C5: variants seen among roughly 807,000 people sequenced by gnomAD.
C5 encodes the protein complement C5.
C5 carries 140 observed loss-of-function variants against 218.8 expected under a neutral mutation model. The ratio of observed to expected loss-of-function variants is 0.64; its 90% CI spans 0.56 to 0.74. The LOEUF is 0.74. C5 is among the 30% of genes least tolerant of loss of function. The pLI, the probability that C5 is intolerant of heterozygous loss-of-function variation, is 0.00. For missense variants in C5, 1,700 were observed against 1,969.6 expected (o/e 0.86, Z 2.59); for synonymous variants, 614 against 682.3 (o/e 0.90, Z 1.56).
chr9:120,952,614 TA>T lies in C5; in HGVS notation c.*124del. On this transcript the variant is annotated 3_prime_UTR_variant, in exon 41 of 41. Transcript: ENST00000223642. ...TAATAAAAGCAAGTGCCACTAATTC[TA>T]AGTAAAGTGAGCTTTACAAATAAGA... The T allele has an allele frequency of 1.1e-6, 1 of 942,394 alleles. No individual in the cohort carries two copies. Among genetic ancestry groups the T allele is most frequent in the Non-Finnish European group, 1.6e-6 (1 of 616,746 alleles). 58.4% of individuals were successfully genotyped at this position (942,394 alleles called of 1,614,324 possible). A position where few individuals can be genotyped will look rare whatever the true frequency, so the allele number is the denominator to read the frequency against.
At chr9:121,044,900 C>T (rs1446205319) in intron 2 of C5, among the ~76,000 whole-genome samples, 3 of 149,776 alleles carry the variant, frequency 2.0e-5, no homozygotes, top group Non-Finnish European at 4.4e-5. Flanking sequence ...CTAAGAGCCA[C>T]AAATACATTG....
chr9:121,074,644 C>T, the C5 span: 1 of 370,326 alleles, frequency 2.7e-6, no homozygotes, highest in Non-Finnish European at 5.4e-6. Context: ...GAAGCGTGTC[C>T]GTGTTTCAGA....
In C5 at chr9:120,962,766, C is replaced by T; in HGVS notation, c.4409G>A (p.Ser1470Asn). Residue 1470 changes from serine to asparagine, a missense_variant, in exon 36 of 41, where the codon AGT becomes AAT. By Grantham distance (46) the Ser-to-Asn change is conservative. Coordinates refer to ENST00000223642, the MANE Select transcript of C5 (RefSeq NM_001735.3). ...CCGGAATCGTACACAAAGGAAATCACTGGAGGGAATCTGTTTAACAAATTC... is the reference window on the plus strand; with the variant it reads ...CCGGAATCGTACACAAAGGAAATCATTGGAGGGAATCTGTTTAACAAATTC... ...VILQLNSIPSSDFLCVRFRIF... is the reference protein window; with the variant it reads ...VILQLNSIPSNDFLCVRFRIF... 1 of 1,613,660 alleles carries T rather than the reference C, an allele frequency of 6.2e-7. No individual in the cohort carries two copies. The highest frequency in any genetic ancestry group is 8.5e-7 in the Non-Finnish European group (1 of 1,179,652).
chr9:121,008,122 A>G (rs2047230983), intron 18 of C5, among the ~76,000 whole-genome samples: 1 of 152,230 alleles, frequency 6.6e-6, no homozygotes, highest in Admixed American at 6.5e-5. Context: ...GGCTTAATAT[A>G]GTGTATCGCA....
At chr9:120,960,383 T>A in intron 37 of C5, 46 bp from the exon 38 acceptor site, 2 of 1,252,954 alleles carry the variant, frequency 1.6e-6, no homozygotes, top group Non-Finnish European at 2.3e-6. Flanking sequence ...TGGAAAGAAG[T>A]AGACACTCTT....
At position 121,032,116 on chromosome 9, in the gene C5, A is replaced by G. The variant is rs747046818; in HGVS notation, c.664T>C (p.Tyr222His). The change falls in exon 6 of 41, where the codon TAT becomes CAT. Residue 222 changes from tyrosine (Y) to histidine (H), a missense_variant. By Grantham distance (83) the Tyr-to-His change is moderately conservative. Coordinates refer to ENST00000223642, the MANE Select transcript of C5 (RefSeq NM_001735.3). ...TGTAYFEVKE[Y>H]VLPHFSVSIE... ...ACTTTTACTTGTCAGAAATTACCATATTCTTTAACTTCAAAATATGCGGTT... is the reference window on the plus strand; with the variant it reads ...ACTTTTACTTGTCAGAAATTACCATGTTCTTTAACTTCAAAATATGCGGTT... The G allele has an allele frequency of 5.7e-6, 9 of 1,580,266 alleles. No individual in the cohort carries two copies. The highest frequency in any genetic ancestry group is 7.8e-6 in the Non-Finnish European group (9 of 1,149,612).
intron 20 of C5, among the ~76,000 whole-genome samples, chr9:120,998,178 A>G (rs2047133522): frequency 6.6e-6 from 1 of 152,202 alleles, no homozygotes; most frequent in African/African-American, 2.4e-5. Flanking sequence ...CCACTTTAAC[A>G]ATGTTAAAAT....
the C5 span, among the ~76,000 whole-genome samples, chr9:121,070,435 ATTC>A: frequency 2.2e-5 from 3 of 134,584 alleles, no homozygotes; most frequent in Non-Finnish European, 4.7e-5. Context: ...ATGTATGTAT[ATTC>A]TGTATGTGTA....
intron 22 of C5, among the ~76,000 whole-genome samples, chr9:120,994,584 C>T (rs1462171231): frequency 3.9e-5 from 5 of 128,408 alleles, no homozygotes; most frequent in African/African-American, 7.7e-5. Context: ...CCCTGTCCCC[C>T]CACCCCACAA....
chr9:120,964,887 G>A (rs189350589), intron 33 of C5, among the ~76,000 whole-genome samples: 146 of 152,266 alleles, frequency 9.6e-4, no homozygotes, highest in African/African-American at 3.2e-3. Context: ...TTTGGTTTTG[G>A]GTGGCAGAGG....
rs113809969 is a variant in C5, at chr9:120,982,209, A to G, written c.3391-270T>C. Among the ~76,000 whole-genome samples, 39 of 152,266 alleles carry G rather than the reference A, an allele frequency of 2.6e-4. 1 individual carries two copies. The highest frequency in any genetic ancestry group is 1.7e-3 in the East Asian group (9 of 5,182). ...GTATTTTTAGTAGAGACGGGGTTTC[A>G]CCATATTGACCAGGCTGGTTTTGAA... On this transcript the variant is annotated intron_variant, in intron 26 of 40. Coordinates refer to ENST00000223642, the MANE Select transcript of C5 (RefSeq NM_001735.3).
At chr9:121,048,649 T>G (rs999424405) in intron 1 of C5, among the ~76,000 whole-genome samples, 1 of 152,230 alleles carries the variant, frequency 6.6e-6, no homozygotes, top group African/African-American at 2.4e-5. Flanking sequence ...TAAAAGAATA[T>G]TCTGGAACCA....
chr9:121,047,221 G>A (rs2047635010), intron 1 of C5, among the ~76,000 whole-genome samples: 1 of 152,130 alleles, frequency 6.6e-6, no homozygotes, highest in African/African-American at 2.4e-5. Context: ...ACTTGGCTAA[G>A]GTTATACGGT....
chr9:120,963,528 G>T, intron 34 of C5, 108 bp downstream of exon 34: 2 of 822,118 alleles, frequency 2.4e-6, no homozygotes, highest in Non-Finnish European at 4.0e-6. Context: ...TATTCTGGGT[G>T]ATTCTATAAA....
In C5 at chr9:120,952,423, T is replaced by C. The variant is rs1002995345; in HGVS notation, c.*316A>G. Reference sequence around the variant, plus strand: ...AGGCCATGTTTTTGTAATACTCCCTTTCAATGGACTGTTCTTTCGGCCCCA... The same window carrying C: ...AGGCCATGTTTTTGTAATACTCCCTCTCAATGGACTGTTCTTTCGGCCCCA... On this transcript the variant is annotated 3_prime_UTR_variant, in exon 41 of 41. Transcript: ENST00000223642. The C allele has an allele frequency of 1.2e-5, 4 of 337,396 alleles. No individual in the cohort carries two copies. The highest frequency in any genetic ancestry group is 8.2e-5 in the Admixed American group (2 of 24,284). The allele number at this position is 337,396 out of a possible 1,614,324, so 20.9% of individuals were successfully genotyped here. A position where few individuals can be genotyped will look rare whatever the true frequency, so the allele number is the denominator to read the frequency against.
At chr9:120,997,876 C>T (rs914721897) in intron 20 of C5, 102 bp from the exon 21 acceptor site, 1 of 938,200 alleles carries the variant, frequency 1.1e-6, no homozygotes, top group South Asian at 1.4e-5. Flanking sequence ...GATCTCAGCT[C>T]ACTGCAACCT....
At chr9:121,044,744 G>T (rs1462537914) in intron 2 of C5, among the ~76,000 whole-genome samples, 1 of 152,146 alleles carries the variant, frequency 6.6e-6, no homozygotes, top group Non-Finnish European at 1.5e-5. Context: ...AGAACTTTCT[G>T]TGATGACAGA....
intron 18 of C5, 69 bp from the exon 19 acceptor site, chr9:121,007,046 A>C: frequency 8.2e-7 from 1 of 1,220,492 alleles, no homozygotes; most frequent in South Asian, 1.2e-5. Flanking sequence ...AGAGACATCC[A>C]TTAACAGAAT....
chr9:121,013,908 T>A lies in C5; in HGVS notation c.2222A>T (p.Asn741Ile), dbSNP rs2047284065. 6.2e-7 allele frequency: 1 copy of A among 1,614,064 alleles called. No individual in the cohort carries two copies. Among genetic ancestry groups the A allele is most frequent in the Admixed American group, 1.7e-5 (1 of 60,002 alleles). Residue 741 changes from asparagine (N) to isoleucine (I), a missense_variant, in exon 17 of 41, where the codon AAT (asparagine) becomes ATT (isoleucine). Asn to Ile is a moderately radical substitution (Grantham distance 149). Coordinates refer to ENST00000223642, the MANE Select transcript of C5 (RefSeq NM_001735.3). Reference protein sequence around the residue: ...CCVVASQLRANISHKDMQLGR... With the variant: ...CCVVASQLRAIISHKDMQLGR... ...CAATTGCATGTCTTTATGAGAGATA[T>A]TAGCACGGAGCTGGCTTGCGACGAC...
Sources: allele counts gnomAD v4.1 joint callset (sites outside exome capture counted in the v4.1 genomes callset), GRCh38; gene constraint gnomAD v4.1.1; transcripts MANE v1.5; gene names NCBI Gene and HGNC (gene_info 2026-07-23, HGNC 2026-07-21).